The following DPH6 variants were observed in gnomAD, a reference collection of about 807,000 sequenced individuals.
The protein encoded by DPH6 is diphthamine biosynthesis 6, also known as diphthine--ammonia ligase.
A neutral mutation model predicts 38.2 loss-of-function variants in DPH6; 33 were observed. The ratio of observed to expected loss-of-function variants is 0.86; its 90% CI spans 0.65 to 1.15. The LOEUF (loss-of-function observed/expected upper bound fraction) is 1.15, where lower values mean the gene tolerates loss of function less well. Ranked by LOEUF, DPH6 falls within the 50% of genes most tolerant of loss-of-function variation. The pLI is 0.00. For synonymous variants in DPH6, 108 were observed against 103.0 expected, an observed-to-expected ratio of 1.05 and a Z score of -0.30; for missense variants, 325 against 320.0, an observed-to-expected ratio of 1.02 and a Z score of -0.12.
chr15:35,398,213 A>G (rs1345019460), intron 6 of DPH6, among the ~76,000 whole-genome samples: 2 of 152,088 alleles, frequency 1.3e-5, no homozygotes, highest in Non-Finnish European at 2.9e-5. Flanking sequence ...CAGAGCTCCT[A>G]AGACCTTTGT....
chr15:35,542,373 C>G (rs765934687), intron 2 of DPH6, 40 bp downstream of exon 2: 1 of 1,474,714 alleles, frequency 6.8e-7, no homozygotes, highest in South Asian at 1.3e-5. Context: ...GTTGGAATTT[C>G]ATTCATTTAG....
At chr15:35,175,265 A>G in the DPH6 span, among the ~76,000 whole-genome samples, 2 of 152,340 alleles carry the variant, frequency 1.3e-5, no homozygotes, top group Admixed American at 1.3e-4. Flanking sequence ...CCCTGTTTTC[A>G]ATTCACATGC....
intron 3 of DPH6, among the ~76,000 whole-genome samples, chr15:35,221,443 C>T (rs2051441506): frequency 6.6e-6 from 1 of 152,174 alleles, no homozygotes; most frequent in South Asian, 2.1e-4. Context: ...AATTCTCAGC[C>T]TGGGTCTCAA....
chr15:35,165,906 T>C, the DPH6 span, among the ~76,000 whole-genome samples: 1 of 151,966 alleles, frequency 6.6e-6, no homozygotes, highest in African/African-American at 2.4e-5. Flanking sequence ...CAATTCAAAA[T>C]GTCTATGAAG....
the DPH6 span, among the ~76,000 whole-genome samples, chr15:35,158,828 G>A: frequency 6.6e-6 from 1 of 151,934 alleles, no homozygotes; most frequent in Non-Finnish European, 1.5e-5. Flanking sequence ...CTCTACTTCT[G>A]ACCACCTCTG....
intron 3 of DPH6, among the ~76,000 whole-genome samples, chr15:35,537,649 T>A (rs1293046990): frequency 6.6e-6 from 1 of 152,138 alleles, no homozygotes; most frequent in Non-Finnish European, 1.5e-5. Flanking sequence ...TTCATACCTG[T>A]TCCAACAGAT....
exon 4 of DPH6, chr15:35,217,781 A>T (rs1035459885): frequency 6.6e-6 from 1 of 152,182 alleles, no homozygotes; most frequent in Non-Finnish European, 1.5e-5. Flanking sequence ...ATAGCAGGAG[A>T]AAAGTTTATA....
intron 3 of DPH6, among the ~76,000 whole-genome samples, chr15:35,350,471 T>TA (rs1322770009): frequency 6.6e-6 from 1 of 152,076 alleles, no homozygotes; most frequent in Non-Finnish European, 1.5e-5. Flanking sequence ...TTCCTTCTAT[T>TA]AACTTTGAGT....
At chr15:35,215,653 C>T (rs577104288), downstream of DPH6, among the ~76,000 whole-genome samples, 1 of 152,198 alleles carries the variant, frequency 6.6e-6, no homozygotes, top group Non-Finnish European at 1.5e-5. Flanking sequence ...ATTACAGGTG[C>T]TAGCCACTAC....
chr15:35,306,329 G>A (rs933495646), intron 3 of DPH6, among the ~76,000 whole-genome samples: 1 of 152,168 alleles, frequency 6.6e-6, no homozygotes, highest in Non-Finnish European at 1.5e-5. Flanking sequence ...TTCAAGTGAT[G>A]CACTCAATTG....
intron 3 of DPH6, among the ~76,000 whole-genome samples, chr15:35,351,313 T>C (rs73376741): frequency 0.03 from 4,607 of 152,266 alleles, 237 homozygotes; most frequent in African/African-American, 0.11. Context: ...GAGTCTCTCA[T>C]AGATAGCATA....
Position 35,425,269 on chromosome 15 carries a change from C to T in DPH6, c.506-14373G>A, listed in dbSNP as rs569632409. ...GGTACAAATATCCTCCTGGACAGTACAGCCATTAAATAATCTGACTACTAC... is the reference window on the plus strand; with the variant it reads ...GGTACAAATATCCTCCTGGACAGTATAGCCATTAAATAATCTGACTACTAC... On this transcript the variant is annotated intron_variant, in intron 5 of 8. Transcript: ENST00000256538. 5.1e-4 allele frequency among the ~76,000 whole-genome samples: 78 copies of T among 151,618 alleles called. No individual in the cohort carries two copies. The Middle Eastern group carries it at 0.01, about 20-fold the overall frequency.
intron 7 of DPH6, among the ~76,000 whole-genome samples, chr15:35,374,429 G>T (rs1048793926): frequency 2.0e-5 from 3 of 151,966 alleles, no homozygotes; most frequent in African/African-American, 7.2e-5. Flanking sequence ...TCCTGACATT[G>T]ACATTTTGTC....
intron 6 of DPH6, chr15:35,401,222 C>T: frequency 1.7e-6 from 2 of 1,177,614 alleles, no homozygotes; most frequent in Non-Finnish European, 2.5e-6. Context: ...AGTGCTTCAT[C>T]CAGCCAAAGA....
chr15:35,544,665 T>TA (rs2055317117), intron 1 of DPH6, among the ~76,000 whole-genome samples: 1 of 152,186 alleles, frequency 6.6e-6, no homozygotes, highest in East Asian at 1.9e-4. Context: ...TATTCATACT[T>TA]ACAGCATATG....
At chr15:35,471,308 GA>G (rs1448472351) in intron 3 of DPH6, among the ~76,000 whole-genome samples, 1 of 152,050 alleles carries the variant, frequency 6.6e-6, no homozygotes, top group Non-Finnish European at 1.5e-5. Context: ...AGAGATGTTG[GA>G]ACTACAGATT....
intron 3 of DPH6, among the ~76,000 whole-genome samples, chr15:35,523,713 TATG>T (rs2054957674): frequency 6.6e-6 from 1 of 152,138 alleles, no homozygotes; most frequent in Non-Finnish European, 1.5e-5. Context: ...TATTAGCTAC[TATG>T]ATAAGTCAAG....
At position 35,221,151 on chromosome 15, in the gene DPH6, C is replaced by T. The variant is rs184259874; in HGVS notation, n.201-569G>A. Among the ~76,000 whole-genome samples the T allele has an allele frequency of 1.3e-3, 192 of 152,330 alleles. 1 individual carries two copies. Among genetic ancestry groups the T allele is most frequent in the African/African-American group, 4.4e-3 (183 of 41,576 alleles). ...GAGTAATCTTTCTTGACTCCATGTCCTGCCTCCTGAACACACTAGGGTAGG... is the reference window on the plus strand; with the variant it reads ...GAGTAATCTTTCTTGACTCCATGTCTTGCCTCCTGAACACACTAGGGTAGG... On this transcript the variant is annotated intron_variant and non_coding_transcript_variant, in intron 3 of 3. Transcript: ENST00000560386.
At chr15:35,391,885 C>T (rs974362565) in intron 6 of DPH6, among the ~76,000 whole-genome samples, 8 of 152,204 alleles carry the variant, frequency 5.3e-5, no homozygotes, top group African/African-American at 1.7e-4. Context: ...GTGAGAGGAA[C>T]CCGGTACCTC....
Sources: gnomAD v4.1 joint callset for allele counts (sites outside exome capture counted in the v4.1 genomes callset) on GRCh38, gnomAD v4.1.1 for gene constraint, MANE v1.5 for transcripts, NCBI Gene and HGNC (gene_info 2026-07-23, HGNC 2026-07-21) for gene names.